USH2A: variants seen among roughly 807,000 people sequenced by gnomAD.
The protein encoded by USH2A is usherin.
USH2A carries 443 observed loss-of-function variants against 538.9 expected under a neutral mutation model. The observed-to-expected ratio is 0.82, with a 90% confidence interval of 0.76 to 0.89. The LOEUF is 0.89. USH2A is among the 40% of genes least tolerant of loss of function. The pLI is 0.00. For synonymous variants in USH2A, 2,413 were observed against 2,273.5 expected, an observed-to-expected ratio of 1.06 and a Z score of -1.75; for missense variants, 6,633 against 6,324.8, an observed-to-expected ratio of 1.05 and a Z score of -1.65.
At chr1:216,252,276 C>A (rs1329213999) in intron 11 of USH2A, among the ~76,000 whole-genome samples, 1 of 152,200 alleles carries the variant, frequency 6.6e-6, no homozygotes, top group Non-Finnish European at 1.5e-5. Context: ...AGGACTCTAA[C>A]ACAGCAATGT....
Position 216,198,489 on chromosome 1 carries a change from G to T in USH2A, c.3907C>A (p.Leu1303Ile), listed in dbSNP as rs1278879297. 6.2e-7 allele frequency: 1 copy of T among 1,614,004 alleles called. No homozygotes were observed. The change falls in exon 18 of 72, where the codon CTC (leucine) becomes ATC (isoleucine). Residue 1303 changes from leucine (L) to isoleucine (I), a missense_variant. By Grantham distance (5) the Leu-to-Ile change is conservative (BLOSUM62 2). Transcript: ENST00000307340. ...ESRVFQSSGW[L>I]SPHSFVESAN... is the part of the protein sequence containing the mutation. ...GATTCTACAAATGAATGAGGACTGA[G>T]CCAACCACTGCTCTGAAAAACTCGA...
intron 47 of USH2A, among the ~76,000 whole-genome samples, chr1:215,819,130 A>G (rs540650776): frequency 5.3e-5 from 8 of 152,024 alleles, no homozygotes; most frequent in South Asian, 2.1e-4. Context: ...TCCCATATAT[A>G]CTTTGGAATA....
At chr1:215,905,136 G>T (rs953404887) in intron 38 of USH2A, among the ~76,000 whole-genome samples, 1 of 152,046 alleles carries the variant, frequency 6.6e-6, no homozygotes, top group Non-Finnish European at 1.5e-5. Context: ...CTGGGAGTGA[G>T]CTCTCAAAGG....
rs918758931 is a variant in USH2A at position 215,888,413 on chromosome 1, G to A, written c.8223+13C>T. On this transcript the variant is annotated intron_variant, in intron 41 of 71. Transcript: ENST00000307340. ...CTAAGTCTGCAAAGGAGAGAGAATA[G>A]TCAGTATCTTACCTGGACTGCATCG... 6 of 1,612,186 alleles carry A rather than the reference G, an allele frequency of 3.7e-6. No homozygotes were observed. The African/African-American group carries it at 4.0e-5, about 11-fold the overall frequency.
intron 35 of USH2A, among the ~76,000 whole-genome samples, chr1:215,973,706 C>A (rs961822996): frequency 2.1e-5 from 3 of 145,606 alleles, no homozygotes; most frequent in African/African-American, 7.7e-5. Flanking sequence ...CAACCCTTAG[C>A]AATCTATGTT....
At chr1:215,766,813 A>G in intron 55 of USH2A, 25 bp from the exon 56 acceptor site, 1 of 1,590,602 alleles carries the variant, frequency 6.3e-7, no homozygotes, top group Non-Finnish European at 8.6e-7. Flanking sequence ...CAAGAAATAA[A>G]GTGCACCTTA....
At chr1:216,009,695 C>T (rs1206308229) in intron 32 of USH2A, among the ~76,000 whole-genome samples, 1 of 152,056 alleles carries the variant, frequency 6.6e-6, no homozygotes, top group Non-Finnish European at 1.5e-5. Flanking sequence ...CTGCTCCTCG[C>T]CAGGCCAAGC....
intron 9 of USH2A, among the ~76,000 whole-genome samples, chr1:216,308,049 A>G (rs886272429): frequency 2.0e-5 from 3 of 152,176 alleles, no homozygotes; most frequent in African/African-American, 7.2e-5. Context: ...GTGTCTTCAC[A>G]TGCTGCTCTG....
chr1:216,140,926 C>T (rs1188709484), intron 21 of USH2A, among the ~76,000 whole-genome samples: 1 of 152,228 alleles, frequency 6.6e-6, no homozygotes, highest in East Asian at 1.9e-4. Context: ...AGCATTGGCT[C>T]TGCTTTCACA....
At chr1:216,100,677 G>A (rs904554808) in intron 21 of USH2A, among the ~76,000 whole-genome samples, 11 of 152,082 alleles carry the variant, frequency 7.2e-5, no homozygotes, top group Non-Finnish European at 2.9e-5. Context: ...ACAAGGAATT[G>A]GGTGTTGGAA....
intron 41 of USH2A, among the ~76,000 whole-genome samples, chr1:215,887,064 G>T (rs1415348111): frequency 2.0e-5 from 3 of 151,958 alleles, no homozygotes; most frequent in Admixed American, 2.0e-4. Context: ...TCACTGTGTT[G>T]GCCAGGATGG....
intron 21 of USH2A, among the ~76,000 whole-genome samples, chr1:216,131,029 G>A (rs914607127): frequency 4.0e-5 from 6 of 151,734 alleles, no homozygotes; most frequent in South Asian, 2.1e-4. Flanking sequence ...GTACTGTGTC[G>A]TGGTTTTGAT....
At chr1:215,869,895 C>T (rs896259508) in intron 43 of USH2A, among the ~76,000 whole-genome samples, 9 of 152,024 alleles carry the variant, frequency 5.9e-5, no homozygotes, top group Non-Finnish European at 5.9e-5. Flanking sequence ...TTAGTTATGG[C>T]GAAATACACA....
At chr1:215,734,961 G>A (rs572037103) in intron 60 of USH2A, among the ~76,000 whole-genome samples, 6 of 152,086 alleles carry the variant, frequency 3.9e-5, no homozygotes, top group Admixed American at 6.6e-5. Flanking sequence ...ACCTCTGCCC[G>A]TTACCCATTT....
chr1:216,400,233 T>C (rs1016704172), intron 3 of USH2A, among the ~76,000 whole-genome samples: 3 of 150,302 alleles, frequency 2.0e-5, no homozygotes, highest in African/African-American at 4.9e-5. Flanking sequence ...TATATATATA[T>C]ATATAAAAGA....
At chr1:216,077,327 T>C (rs1285291139) in intron 27 of USH2A, among the ~76,000 whole-genome samples, 1 of 152,070 alleles carries the variant, frequency 6.6e-6, no homozygotes, top group African/African-American at 2.4e-5. Flanking sequence ...TAATCTACAA[T>C]ATATAGATTT....
chr1:215,889,799 GA>G (rs1171513116), intron 40 of USH2A, among the ~76,000 whole-genome samples: 8 of 152,068 alleles, frequency 5.3e-5, no homozygotes, highest in Admixed American at 6.6e-5. Flanking sequence ...AGGTGTTGTG[GA>G]ACAGCAAATA....
At position 216,207,388 on chromosome 1, in the gene USH2A, A is replaced by G. The variant is rs764829952; in HGVS notation, c.3201T>C (p.Ser1067=). 1.9e-6 allele frequency: 3 copies of G among 1,613,968 alleles called. No homozygotes were observed. The highest frequency in any genetic ancestry group is 1.3e-5 in the African/African-American group (1 of 74,958). ...QPPPRGQVQS[S]SAINLSWSPP... Reference sequence around the variant, plus strand: ...GACTCCAGGAGAGATTGATAGCAGAAGAACTTTGAACTTGTCCTCTGGGCG... The same window carrying G: ...GACTCCAGGAGAGATTGATAGCAGAGGAACTTTGAACTTGTCCTCTGGGCG... The change falls in exon 16 of 72, where the codon TCT becomes TCC. Residue 1067 remains serine (S), a synonymous_variant. Transcript: ENST00000307340.
intron 44 of USH2A, among the ~76,000 whole-genome samples, chr1:215,864,565 TG>T (rs1664421801): frequency 6.6e-6 from 1 of 152,156 alleles, no homozygotes; most frequent in African/African-American, 2.4e-5. Flanking sequence ...TCCAGAAATG[TG>T]GGTATTGTTT....
Sources: gnomAD v4.1 joint callset for allele counts (sites outside exome capture counted in the v4.1 genomes callset) on GRCh38, gnomAD v4.1.1 for gene constraint, MANE v1.5 for transcripts, NCBI Gene and HGNC (gene_info 2026-07-23, HGNC 2026-07-21) for gene names.